DNAH11: variants seen among roughly 807,000 people sequenced by gnomAD.
DNAH11 encodes dynein axonemal heavy chain 11.
In DNAH11, 442 loss-of-function variants were observed where a neutral mutation model predicts 526.0. The ratio of observed to expected loss-of-function variants is 0.84; its 90% CI spans 0.78 to 0.91. DNAH11 has a LOEUF of 0.91. Ranked by LOEUF, DNAH11 falls within the 40% of genes least tolerant of loss-of-function variation. DNAH11 has a pLI of 0.00. For synonymous variants in DNAH11, 2,461 were observed against 1,935.9 expected, an observed-to-expected ratio of 1.27 and a Z score of -7.12; for missense variants, 6,989 against 5,448.7, an observed-to-expected ratio of 1.28 and a Z score of -8.90.
At chr7:21,795,289 G>A (rs563388694) in intron 61 of DNAH11, among the ~76,000 whole-genome samples, 1 of 152,322 alleles carries the variant, frequency 6.6e-6, no homozygotes, top group African/African-American at 2.4e-5. Flanking sequence ...AGTGGGTACT[G>A]ACCTTTGCTG....
At chr7:21,676,416 C>T (rs760965972) in intron 30 of DNAH11, among the ~76,000 whole-genome samples, 1 of 152,164 alleles carries the variant, frequency 6.6e-6, no homozygotes. Context: ...AAGTACAGTA[C>T]TGACCATAAT....
Position 21,576,488 on chromosome 7 carries a change from G to A in DNAH11, c.1593+4515G>A, listed in dbSNP as rs1784098218. Among the ~76,000 whole-genome samples, 3 of 152,352 alleles carry A rather than the reference G, an allele frequency of 2.0e-5. No homozygotes were observed. In the South Asian group the frequency reaches 6.2e-4, roughly 32 times the overall value. On this transcript the variant is annotated intron_variant, in intron 8 of 81. Transcript: ENST00000409508. Reference sequence around the variant, plus strand: ...CTCTTGAAAGATGTAAACTCTGATAGAGGGTATGGATAATATGTTTGATCC... The same window carrying A: ...CTCTTGAAAGATGTAAACTCTGATAAAGGGTATGGATAATATGTTTGATCC...
chr7:21,844,059 C>G, intron 66 of DNAH11, among the ~76,000 whole-genome samples: 1 of 152,232 alleles, frequency 6.6e-6, no homozygotes, highest in South Asian at 2.1e-4. Context: ...ATCAGGGGTC[C>G]GCAAACTGTG....
At chr7:21,777,199 G>C (rs1427518900) in intron 56 of DNAH11, among the ~76,000 whole-genome samples, 1 of 152,004 alleles carries the variant, frequency 6.6e-6, no homozygotes, top group Non-Finnish European at 1.5e-5. Flanking sequence ...ATTGGGTATT[G>C]GTTTTCTTCA....
At chr7:21,615,609 C>T (rs1348862557) in intron 21 of DNAH11, among the ~76,000 whole-genome samples, 1 of 151,784 alleles carries the variant, frequency 6.6e-6, no homozygotes, top group African/African-American at 2.4e-5. Context: ...CCAACTCATA[C>T]ATATTCCTAT....
chr7:21,802,119 A>G (rs548130026), intron 62 of DNAH11, among the ~76,000 whole-genome samples: 24 of 152,362 alleles, frequency 1.6e-4, no homozygotes, highest in African/African-American at 5.8e-4. Context: ...TGTACGTTCA[A>G]GTATTTCCTA....
chr7:21,854,334 A>T lies in DNAH11; in HGVS notation c.11081A>T (p.Asn3694Ile), dbSNP rs528354205. 86 of 1,613,842 alleles carry T rather than the reference A, an allele frequency of 5.3e-5. No individual in the cohort carries two copies. The Admixed American group carries it at 6.5e-4, about 12-fold the overall frequency. Residue 3694 changes from asparagine (N) to isoleucine (I), a missense_variant, in exon 68 of 82, where the codon AAT (asparagine) becomes ATT (isoleucine). Coordinates refer to ENST00000409508, the MANE Select transcript of DNAH11 (RefSeq NM_001277115.2). ...IEHKVIEAKENERKINEAREC... is the reference protein window; with the variant it reads ...IEHKVIEAKEIERKINEAREC... ...CCATAGGTGATTGAAGCCAAAGAAAATGAAAGAAAAATCAACGAGGCCCGA... is the reference window on the plus strand; with the variant it reads ...CCATAGGTGATTGAAGCCAAAGAAATTGAAAGAAAAATCAACGAGGCCCGA...
chr7:21,901,042 G>A lies in DNAH11; in HGVS notation c.13339G>A (p.Glu4447Lys). 6.2e-7 allele frequency: 1 copy of A among 1,612,364 alleles called. No individual in the cohort carries two copies. Among genetic ancestry groups the A allele is most frequent in the African/African-American group, 1.3e-5 (1 of 74,990 alleles). The change falls in exon 82 of 82, where the codon GAA (glutamate) becomes AAA (lysine). Residue 4447 changes from glutamate (E) to lysine (K), a missense_variant. Coordinates refer to ENST00000409508, the MANE Select transcript of DNAH11 (RefSeq NM_001277115.2). ...RWDTQAGTIV[E>K]ARLKELACPM... ...GGACACCCAAGCAGGAACCATTGTTGAAGCCCGTCTCAAGGAGCTGGCATG... is the reference window on the plus strand; with the variant it reads ...GGACACCCAAGCAGGAACCATTGTTAAAGCCCGTCTCAAGGAGCTGGCATG...
At chr7:21,898,350 T>G (rs1784605544) in intron 79 of DNAH11, among the ~76,000 whole-genome samples, 1 of 152,218 alleles carries the variant, frequency 6.6e-6, no homozygotes, top group South Asian at 2.1e-4. Context: ...TGACGTAAGT[T>G]TGACCGTGAG....
intron 18 of DNAH11, among the ~76,000 whole-genome samples, chr7:21,604,462 G>A (rs1364358564): frequency 6.6e-6 from 1 of 152,044 alleles, no homozygotes; most frequent in Non-Finnish European, 1.5e-5. Context: ...TTCATTAACT[G>A]CCCCTAACTT....
chr7:21,720,518 AC>A (rs1229157495), intron 43 of DNAH11, among the ~76,000 whole-genome samples: 1 of 151,588 alleles, frequency 6.6e-6, no homozygotes, highest in East Asian at 1.9e-4. Flanking sequence ...ATAGTTTATT[AC>A]CTAGATCATT....
chr7:21,566,045 G>A (rs1001777848), intron 6 of DNAH11, among the ~76,000 whole-genome samples: 1 of 152,058 alleles, frequency 6.6e-6, no homozygotes, highest in Non-Finnish European at 1.5e-5. Context: ...CAAAAACTAC[G>A]ACCACCACTT....
intron 25 of DNAH11, among the ~76,000 whole-genome samples, chr7:21,628,116 C>A (rs1433349790): frequency 6.6e-6 from 1 of 151,848 alleles, no homozygotes; most frequent in Non-Finnish European, 1.5e-5. Context: ...ATAAATGCAA[C>A]TGTTTTTTGT....
intron 18 of DNAH11, among the ~76,000 whole-genome samples, chr7:21,603,519 C>T (rs1030343626): frequency 1.3e-5 from 2 of 152,088 alleles, no homozygotes; most frequent in African/African-American, 2.4e-5. Flanking sequence ...TATATTCTGT[C>T]ATTTTGCTTT....
intron 66 of DNAH11, chr7:21,851,451 T>C: frequency 6.9e-6 from 3 of 436,616 alleles, no homozygotes; most frequent in Non-Finnish European, 1.4e-5. Flanking sequence ...CAGGTCATAT[T>C]AGGCACTGGC....
rs548236918 is a variant in DNAH11 at position 21,767,386 on chromosome 7, CA to C, written c.9102+1798del. On this transcript the variant is annotated intron_variant, in intron 55 of 81. Coordinates refer to ENST00000409508, the MANE Select transcript of DNAH11 (RefSeq NM_001277115.2). ...AGTTTCTTCCCTTTGCTACTCTGTGCAGGCTTTTTCCTGTCCAGGTGGGTGC... is the reference window on the plus strand; with the variant it reads ...AGTTTCTTCCCTTTGCTACTCTGTGCGGCTTTTTCCTGTCCAGGTGGGTGC... 2.6e-3 allele frequency among the ~76,000 whole-genome samples: 393 copies of C among 152,210 alleles called. 3 individuals carry two copies. The highest frequency in any genetic ancestry group is 5.4e-3 in the Admixed American group (83 of 15,288).
At chr7:21,620,670 C>T (rs1446260431) in intron 25 of DNAH11, among the ~76,000 whole-genome samples, 3 of 149,950 alleles carry the variant, frequency 2.0e-5, no homozygotes, top group Non-Finnish European at 4.4e-5. Flanking sequence ...CCCATTAACT[C>T]GTCATTTAGC....
chr7:21,702,046 A>C (rs1306116417), intron 36 of DNAH11, among the ~76,000 whole-genome samples: 3 of 152,216 alleles, frequency 2.0e-5, no homozygotes, highest in Non-Finnish European at 2.9e-5. Flanking sequence ...GTTTATCATG[A>C]GAAAAAGCCA....
chr7:21,849,789 G>C (rs1782553074), intron 66 of DNAH11, among the ~76,000 whole-genome samples: 1 of 151,978 alleles, frequency 6.6e-6, no homozygotes, highest in Admixed American at 6.6e-5. Context: ...ATGACTAAGA[G>C]TTGATTTTTT....
Sources: gnomAD v4.1 joint callset for allele counts (sites outside exome capture counted in the v4.1 genomes callset) on GRCh38, gnomAD v4.1.1 for gene constraint, MANE v1.5 for transcripts, NCBI Gene and HGNC (gene_info 2026-07-23, HGNC 2026-07-21) for gene names.